Variants in KCNAB1 observed in about 807,000 individuals in gnomAD.
KCNAB1 encodes potassium voltage-gated channel subfamily A regulatory beta subunit 1.
In KCNAB1, 35 loss-of-function variants were observed where a neutral mutation model predicts 64.6. The ratio of observed to expected loss-of-function variants is 0.54; its 90% confidence interval spans 0.41 to 0.72. The LOEUF (loss-of-function observed/expected upper bound fraction) is 0.72, where lower values mean the gene tolerates loss of function less well. Among genes scored for constraint, KCNAB1 ranks in the 30% least tolerant of loss-of-function variants. The pLI is 0.00. For missense variants in KCNAB1, 401 were observed against 512.9 expected, an observed-to-expected ratio of 0.78 and a Z score of 2.11; for synonymous variants, 177 against 183.8, an observed-to-expected ratio of 0.96 and a Z score of 0.30.
intron 1 of KCNAB1, among the ~76,000 whole-genome samples, chr3:156,298,431 T>C (rs1329580441): frequency 6.6e-6 from 1 of 152,226 alleles, no homozygotes; most frequent in African/African-American, 2.4e-5. Context: ...TCTTTAGAAG[T>C]ACACTCATTT....
At chr3:156,302,914 T>G (rs1280697378) in intron 1 of KCNAB1, among the ~76,000 whole-genome samples, 2 of 152,176 alleles carry the variant, frequency 1.3e-5, no homozygotes, top group African/African-American at 4.8e-5. Flanking sequence ...TAGAACTTCT[T>G]TCTAGCACTT....
intron 1 of KCNAB1, among the ~76,000 whole-genome samples, chr3:156,156,279 A>G (rs1353661892): frequency 1.3e-5 from 2 of 150,144 alleles, no homozygotes; most frequent in East Asian, 4.4e-4. Context: ...CACAATAGGC[A>G]CATTGTACAA....
chr3:156,428,670 T>C (rs112859363), intron 2 of KCNAB1, among the ~76,000 whole-genome samples: 2,314 of 152,214 alleles, frequency 0.015, 27 homozygotes, highest in South Asian at 0.033. Flanking sequence ...ATGGAAAACC[T>C]AAGTAAGGAG....
chr3:156,151,816 CAAT>C, intron 1 of KCNAB1, among the ~76,000 whole-genome samples: 1 of 152,098 alleles, frequency 6.6e-6, no homozygotes, highest in Non-Finnish European at 1.5e-5. Flanking sequence ...TCAGCTGACA[CAAT>C]AATGCTCTTT....
At chr3:156,189,845 T>C (rs1219328564) in intron 1 of KCNAB1, among the ~76,000 whole-genome samples, 3 of 152,080 alleles carry the variant, frequency 2.0e-5, no homozygotes, top group African/African-American at 4.8e-5. Context: ...TTTTGTTGGG[T>C]CAGGGGTTGA....
intron 3 of KCNAB1, among the ~76,000 whole-genome samples, chr3:156,454,902 G>C (rs562334428): frequency 6.6e-6 from 1 of 152,234 alleles, no homozygotes; most frequent in South Asian, 2.1e-4. Context: ...AAGCTTGCCC[G>C]GGTCGTAGTG....
chr3:156,323,928 T>C (rs1358746838), intron 1 of KCNAB1, among the ~76,000 whole-genome samples: 4 of 152,230 alleles, frequency 2.6e-5, no homozygotes, highest in Non-Finnish European at 4.4e-5. Context: ...CCATGATTTT[T>C]ACAGCATTTT....
intron 1 of KCNAB1, among the ~76,000 whole-genome samples, chr3:156,140,716 A>G (rs192282335): frequency 6.6e-6 from 1 of 152,374 alleles, no homozygotes; most frequent in Admixed American, 6.5e-5. Flanking sequence ...ATAATGGTAT[A>G]GGATATACAA....
At chr3:156,365,589 T>C (rs1251190313) in intron 1 of KCNAB1, among the ~76,000 whole-genome samples, 2 of 152,260 alleles carry the variant, frequency 1.3e-5, no homozygotes, top group Admixed American at 6.5e-5. Flanking sequence ...CATATTCATA[T>C]ACTTTCTTAT....
At chr3:156,274,762 A>G (rs1719245479) in intron 1 of KCNAB1, among the ~76,000 whole-genome samples, 1 of 152,242 alleles carries the variant, frequency 6.6e-6, no homozygotes, top group South Asian at 2.1e-4. Context: ...TTTAAGGTGT[A>G]TAACTTGATG....
intron 1 of KCNAB1, among the ~76,000 whole-genome samples, chr3:156,246,650 A>C (rs541799185): frequency 1.1e-4 from 15 of 141,566 alleles, no homozygotes; most frequent in African/African-American, 3.1e-4. Context: ...AAAAAAAAAA[A>C]CCCAACATTT....
chr3:156,159,061 A>C (rs533483092), intron 1 of KCNAB1, among the ~76,000 whole-genome samples: 1 of 151,700 alleles, frequency 6.6e-6, no homozygotes, highest in African/African-American at 2.4e-5. Context: ...GAGGCAACCT[A>C]CATATGTCCG....
At chr3:156,256,792 C>T (rs1718123320) in intron 1 of KCNAB1, among the ~76,000 whole-genome samples, 1 of 152,220 alleles carries the variant, frequency 6.6e-6, no homozygotes, top group African/African-American at 2.4e-5. Context: ...TCCTGTGCTT[C>T]TTTGGTCTCT....
chr3:156,405,497 C>T lies in KCNAB1; in HGVS notation c.276-16119C>T, dbSNP rs188715411. ...TCTATTTTCTCAGTACAGTAACTTT[C>T]TTTTTCTCATCACAAAAGCAATATG... On this transcript the variant is annotated intron_variant, in intron 1 of 13. Coordinates refer to ENST00000490337, the MANE Select transcript of KCNAB1 (RefSeq NM_172160.3). Among the ~76,000 whole-genome samples the T allele has an allele frequency of 1.8e-3, 275 of 152,276 alleles. 1 individual carries two copies. Among genetic ancestry groups the T allele is most frequent in the Middle Eastern group, 6.8e-3 (2 of 294 alleles).
chr3:156,458,899 T>C (rs1210268959), intron 4 of KCNAB1, among the ~76,000 whole-genome samples: 1 of 152,164 alleles, frequency 6.6e-6, no homozygotes, highest in Non-Finnish European at 1.5e-5. Flanking sequence ...AAAGGAGAGA[T>C]AGGGAAAAAC....
Position 156,523,902 on chromosome 3 carries a change from C to T in KCNAB1, c.1036C>T (p.Pro346Ser). 1 of 1,613,974 alleles carries T rather than the reference C, an allele frequency of 6.2e-7. No homozygotes were observed. Residue 346 changes from proline to serine, a missense_variant, in exon 12 of 14, where the codon CCA becomes TCA. By Grantham distance (74) the Pro-to-Ser change is moderately conservative. Coordinates refer to ENST00000490337, the MANE Select transcript of KCNAB1 (RefSeq NM_172160.3). ...GCAAAACAAGCTAAAAGACCTTTCC[C>T]CAATTGCGGAGCGTCTGGGATGCAC... ...KQQNKLKDLSPIAERLGCTLP... is the reference protein window; with the variant it reads ...KQQNKLKDLSSIAERLGCTLP...
chr3:156,257,908 A>G (rs144367517), intron 1 of KCNAB1, among the ~76,000 whole-genome samples: 3 of 152,238 alleles, frequency 2.0e-5, no homozygotes, highest in Non-Finnish European at 2.9e-5. Flanking sequence ...CTGTGACAGA[A>G]TAACAACAGA....
intron 1 of KCNAB1, among the ~76,000 whole-genome samples, chr3:156,200,623 G>A (rs1909373): frequency 0.55 from 83,924 of 151,936 alleles, 24,068 homozygotes; most frequent in East Asian, 0.9. Context: ...GGGGAAAACC[G>A]CCTACTGAAG....
At chr3:156,333,530 C>T (rs753642136) in intron 1 of KCNAB1, among the ~76,000 whole-genome samples, 1 of 152,048 alleles carries the variant, frequency 6.6e-6, no homozygotes, top group Admixed American at 6.6e-5. Context: ...GTAGAGACTT[C>T]ATATCAATGA....
Sources: allele counts gnomAD v4.1 joint callset (sites outside exome capture counted in the v4.1 genomes callset), GRCh38; gene constraint gnomAD v4.1.1; transcripts MANE v1.5; gene names NCBI Gene and HGNC (gene_info 2026-07-23, HGNC 2026-07-21).